Variants in CDH13 observed in about 807,000 individuals in gnomAD.
CDH13 encodes cadherin 13, also known as cadherin-13.
A neutral mutation model predicts 63.8 loss-of-function variants in CDH13; 24 were observed. The ratio of observed to expected loss-of-function variants is 0.38; its 90% CI spans 0.27 to 0.53. The LOEUF (loss-of-function observed/expected upper bound fraction) is 0.53, where lower values mean the gene tolerates loss of function less well. CDH13 is among the 20% of genes least tolerant of loss of function. CDH13 has a pLI of 0.85. For missense variants in CDH13, 1,049 were observed against 903.1 expected, an observed-to-expected ratio of 1.16 and a Z score of -2.07; for synonymous variants, 503 against 355.3, an observed-to-expected ratio of 1.42 and a Z score of -4.67.
intron 5 of CDH13, among the ~76,000 whole-genome samples, chr16:83,322,025 C>T (rs1274349173): frequency 1.3e-5 from 2 of 152,160 alleles, no homozygotes; most frequent in African/African-American, 2.4e-5. Context: ...CCACTGGAGA[C>T]AGCAGGGACT....
chr16:83,530,053 C>A (rs1205656234), intron 7 of CDH13, among the ~76,000 whole-genome samples: 2 of 152,120 alleles, frequency 1.3e-5, no homozygotes, highest in Non-Finnish European at 2.9e-5. Flanking sequence ...GGACATGAAG[C>A]ATGTTCTCTG....
chr16:83,778,557 G>C (rs1567589705), intron 11 of CDH13, among the ~76,000 whole-genome samples: 1 of 151,862 alleles, frequency 6.6e-6, no homozygotes, highest in Non-Finnish European at 1.5e-5. Flanking sequence ...GACATTATTA[G>C]ATTGGTGATT....
intron 7 of CDH13, among the ~76,000 whole-genome samples, chr16:83,509,206 A>C (rs1264814414): frequency 6.6e-6 from 1 of 152,198 alleles, no homozygotes; most frequent in African/African-American, 2.4e-5. Flanking sequence ...GGTATTCACA[A>C]AGTATAGCAG....
chr16:82,856,835 G>A (rs2039722803), intron 1 of CDH13, among the ~76,000 whole-genome samples: 1 of 152,066 alleles, frequency 6.6e-6, no homozygotes, highest in South Asian at 2.1e-4. Flanking sequence ...TTCTCTGGTG[G>A]ACTTTGGCAC....
intron 6 of CDH13, among the ~76,000 whole-genome samples, chr16:83,485,639 G>C (rs934605246): frequency 6.6e-6 from 1 of 152,022 alleles, no homozygotes; most frequent in Admixed American, 6.6e-5. Flanking sequence ...GTCCTCATCA[G>C]ACACCTTTGT....
chr16:82,668,898 C>T (rs950976066), intron 1 of CDH13, among the ~76,000 whole-genome samples: 9 of 152,330 alleles, frequency 5.9e-5, no homozygotes, highest in African/African-American at 2.2e-4. Context: ...TCCAGAATTT[C>T]TGTGCATGTG....
chr16:83,137,016 A>C (rs1223362674), intron 4 of CDH13, among the ~76,000 whole-genome samples: 1 of 152,256 alleles, frequency 6.6e-6, no homozygotes, highest in Non-Finnish European at 1.5e-5. Context: ...GGTTGACTTC[A>C]GCACGGCACT....
At chr16:83,129,099 C>T (rs1326631205) in intron 4 of CDH13, among the ~76,000 whole-genome samples, 1 of 152,146 alleles carries the variant, frequency 6.6e-6, no homozygotes, top group African/African-American at 2.4e-5. Flanking sequence ...TCATCAACTC[C>T]ACCACAGCTG....
At chr16:83,217,594 A>G (rs1234904465) in intron 5 of CDH13, 97 bp downstream of exon 5, 3 of 1,284,868 alleles carry the variant, frequency 2.3e-6, no homozygotes, top group Non-Finnish European at 3.3e-6. Context: ...TGCCTCATCA[A>G]ACCCGGGACT....
chr16:83,293,511 C>G (rs1180274328), intron 5 of CDH13, among the ~76,000 whole-genome samples: 2 of 152,136 alleles, frequency 1.3e-5, no homozygotes, highest in Non-Finnish European at 1.5e-5. Context: ...TGTCAGCAGT[C>G]TAGAATGTCG....
intron 1 of CDH13, among the ~76,000 whole-genome samples, chr16:82,837,502 G>C (rs1293224332): frequency 2.6e-5 from 4 of 152,144 alleles, no homozygotes; most frequent in Admixed American, 2.6e-4. Context: ...AGGACTCATG[G>C]TTAAGATTTA....
intron 1 of CDH13, among the ~76,000 whole-genome samples, chr16:82,701,812 A>G (rs905456032): frequency 1.3e-5 from 2 of 152,120 alleles, no homozygotes; most frequent in Admixed American, 6.5e-5. Flanking sequence ...ACCATTTGCT[A>G]TGAACAAGGG....
intron 2 of CDH13, among the ~76,000 whole-genome samples, chr16:82,990,970 A>T (rs545739617): frequency 6.6e-6 from 1 of 152,338 alleles, no homozygotes; most frequent in South Asian, 2.1e-4. Flanking sequence ...TTTGAGAACA[A>T]TTTTGAAACC....
intron 6 of CDH13, among the ~76,000 whole-genome samples, chr16:83,372,007 G>C (rs1300241205): frequency 1.3e-5 from 2 of 152,226 alleles, no homozygotes; most frequent in South Asian, 4.1e-4. Flanking sequence ...CAATATGTAG[G>C]TTATTCAGTT....
At chr16:82,900,017 C>A (rs2041409400) in intron 2 of CDH13, among the ~76,000 whole-genome samples, 2 of 152,154 alleles carry the variant, frequency 1.3e-5, no homozygotes, top group African/African-American at 4.8e-5. Flanking sequence ...CCCATGTCTC[C>A]CCTGCCCCAT....
chr16:83,082,950 A>G (rs765183676), intron 3 of CDH13, among the ~76,000 whole-genome samples: 3 of 150,932 alleles, frequency 2.0e-5, no homozygotes, highest in Non-Finnish European at 4.4e-5. Context: ...TGTGTTTTAA[A>G]CGGTGTCTTC....
intron 7 of CDH13, among the ~76,000 whole-genome samples, chr16:83,502,655 C>T (rs760578336): frequency 2.6e-5 from 4 of 152,096 alleles, no homozygotes; most frequent in Admixed American, 6.5e-5. Context: ...GTGTGAAATA[C>T]ATTAGTTTTG....
intron 7 of CDH13, among the ~76,000 whole-genome samples, chr16:83,517,231 A>G (rs1483170128): frequency 6.6e-6 from 1 of 152,238 alleles, no homozygotes; most frequent in Non-Finnish European, 1.5e-5. Context: ...TTAAGGATGT[A>G]GACTGTCTAA....
chr16:82,973,064 A>G (rs1198000277), intron 2 of CDH13, among the ~76,000 whole-genome samples: 2 of 152,158 alleles, frequency 1.3e-5, no homozygotes, highest in Admixed American at 6.5e-5. Context: ...ATAGTTGGAG[A>G]TACTTTCTAT....
Sources: allele counts gnomAD v4.1 joint callset (sites outside exome capture counted in the v4.1 genomes callset), GRCh38; gene constraint gnomAD v4.1.1; transcripts MANE v1.5; gene names NCBI Gene and HGNC (gene_info 2026-07-23, HGNC 2026-07-21).